Variants in SNX29 observed in about 807,000 individuals in gnomAD.
SNX29 encodes the protein sorting nexin 29, also known as sorting nexin-29.
In SNX29, 78 loss-of-function variants were observed where a neutral mutation model predicts 102.1. The ratio of observed to expected loss-of-function variants is 0.76; its 90% confidence interval spans 0.64 to 0.92. The LOEUF is 0.92. Ranked by LOEUF, SNX29 falls within the 40% of genes least tolerant of loss-of-function variation. The pLI is 0.00. For missense variants in SNX29, 1,280 were observed against 1,061.7 expected (o/e 1.21, Z -2.86); for synonymous variants, 580 against 414.5 (o/e 1.40, Z -4.85).
chr16:12,158,645 A>T (rs1163043453), intron 13 of SNX29, among the ~76,000 whole-genome samples: 1 of 152,246 alleles, frequency 6.6e-6, no homozygotes, highest in East Asian at 1.9e-4. Context: ...ATGATGCCTC[A>T]CCCAGGCTGT....
At chr16:12,536,626 A>G (rs950992806) in intron 20 of SNX29, among the ~76,000 whole-genome samples, 2 of 152,180 alleles carry the variant, frequency 1.3e-5, no homozygotes, top group African/African-American at 2.4e-5. Context: ...TGGCTGCAGC[A>G]GGGGTGTATA....
rs564905472 is a variant in SNX29 at position 11,994,696 on chromosome 16, T to G, written c.8-4601T>G. On this transcript the variant is annotated intron_variant, in intron 1 of 20. Transcript: ENST00000566228. ...GTTGGGATTCGGTAGGTGGGCACAT[T>G]GTTCCTACTTCTCTCTGAGTGGCGG... Among the ~76,000 whole-genome samples the G allele has an allele frequency of 7.9e-5, 12 of 152,300 alleles. 1 individual carries two copies. In the South Asian group the frequency reaches 2.5e-3, roughly 32 times the overall value.
At chr16:12,568,403 C>G (rs533188930) in intron 20 of SNX29, 103 bp from the exon 21 acceptor site, 5 of 1,478,674 alleles carry the variant, frequency 3.4e-6, no homozygotes, top group South Asian at 2.5e-5. Context: ...GTCACAGTTG[C>G]CAATCAGATC....
At chr16:12,008,680 C>A (rs184538729) in intron 3 of SNX29, among the ~76,000 whole-genome samples, 2 of 151,362 alleles carry the variant, frequency 1.3e-5, no homozygotes, top group African/African-American at 2.4e-5. Context: ...GGCTCAGAGC[C>A]GTCCTCTGGC....
intron 20 of SNX29, among the ~76,000 whole-genome samples, chr16:12,547,445 T>C (rs991717780): frequency 1.1e-4 from 16 of 152,076 alleles, no homozygotes; most frequent in Non-Finnish European, 1.6e-4. Flanking sequence ...GAGGGGATGG[T>C]GCCTCAGGCA....
At chr16:12,183,953 G>A (rs561015702) in intron 13 of SNX29, among the ~76,000 whole-genome samples, 1 of 152,190 alleles carries the variant, frequency 6.6e-6, no homozygotes, top group Non-Finnish European at 1.5e-5. Flanking sequence ...GGTCTAAAAG[G>A]GGGGTATGCA....
intron 16 of SNX29, among the ~76,000 whole-genome samples, chr16:12,377,866 C>G (rs1227798216): frequency 6.6e-6 from 1 of 152,126 alleles, no homozygotes; most frequent in Non-Finnish European, 1.5e-5. Context: ...TTAAATAGTC[C>G]ACAATCTCTC....
At chr16:12,530,302 A>G (rs2141169267) in intron 20 of SNX29, among the ~76,000 whole-genome samples, 1 of 152,306 alleles carries the variant, frequency 6.6e-6, no homozygotes, top group African/African-American at 2.4e-5. Flanking sequence ...CACTGTTTGT[A>G]CCAACAGACA....
intron 18 of SNX29, among the ~76,000 whole-genome samples, chr16:12,461,607 A>G (rs954207241): frequency 6.6e-6 from 1 of 152,090 alleles, no homozygotes; most frequent in African/African-American, 2.4e-5. Context: ...TTGGAAAACA[A>G]TTTGAAGCAT....
At chr16:11,977,086 A>T (rs140374469) in intron 1 of SNX29, 1 of 374,778 alleles carries the variant, frequency 2.7e-6, no homozygotes, top group Non-Finnish European at 4.7e-6. Context: ...CAGTTGTTCC[A>T]GTCCTGCGAT....
chr16:12,220,316 G>A (rs1434198482), intron 14 of SNX29, among the ~76,000 whole-genome samples: 1 of 144,544 alleles, frequency 6.9e-6, no homozygotes, highest in Non-Finnish European at 1.5e-5. Context: ...GGGAGGGAGG[G>A]AGGGAGGAAG....
chr16:12,344,693 A>G (rs1005976359), intron 15 of SNX29, among the ~76,000 whole-genome samples: 2 of 152,238 alleles, frequency 1.3e-5, no homozygotes, highest in Non-Finnish European at 1.5e-5. Flanking sequence ...TTTGCTCTTA[A>G]TGACAGTGGC....
intron 7 of SNX29, 117 bp downstream of exon 7, chr16:12,048,737 G>A (rs1417751951): frequency 3.9e-6 from 6 of 1,543,008 alleles, no homozygotes; most frequent in Middle Eastern, 1.9e-4. Context: ...GTGCACTTGC[G>A]TTTTCCATTT....
intron 19 of SNX29, among the ~76,000 whole-genome samples, chr16:12,517,202 A>G (rs989800540): frequency 6.6e-6 from 1 of 152,174 alleles, no homozygotes; most frequent in African/African-American, 2.4e-5. Flanking sequence ...CAGGTTCCAT[A>G]CGCTGGGTTT....
chr16:12,554,583 C>G (rs182863372), intron 20 of SNX29, among the ~76,000 whole-genome samples: 9 of 152,188 alleles, frequency 5.9e-5, no homozygotes, highest in Admixed American at 2.0e-4. Flanking sequence ...GACACCAAGA[C>G]TTGGAGCTCC....
chr16:12,167,653 C>G (rs1026268538), intron 13 of SNX29, among the ~76,000 whole-genome samples: 5 of 152,110 alleles, frequency 3.3e-5, no homozygotes, highest in African/African-American at 1.2e-4. Flanking sequence ...TCTTTTAATC[C>G]TCCCAATGAG....
rs1047857133 is a variant in SNX29 at position 12,557,028 on chromosome 16, C to A, written c.2319-11478C>A. Among the ~76,000 whole-genome samples, 21 of 124,030 alleles carry A rather than the reference C, an allele frequency of 1.7e-4. 1 individual carries two copies. The highest frequency in any genetic ancestry group is 2.9e-4 in the Non-Finnish European group (17 of 57,708). The allele number at this position is 124,030 out of a possible 152,430, so 81.4% of individuals were successfully genotyped here. A position where few individuals can be genotyped will look rare whatever the true frequency, so the allele number is the denominator to read the frequency against. ...TCTGGCTAATTTACCCCCCCCCCGCCCCAAGATGAGGTCTTGCTATGTGGC... is the reference window on the plus strand; with the variant it reads ...TCTGGCTAATTTACCCCCCCCCCGCACCAAGATGAGGTCTTGCTATGTGGC... On this transcript the variant is annotated intron_variant, in intron 20 of 20. Transcript: ENST00000566228.
At chr16:12,543,307 G>A (rs2077428130) in intron 20 of SNX29, among the ~76,000 whole-genome samples, 1 of 152,208 alleles carries the variant, frequency 6.6e-6, no homozygotes, top group Non-Finnish European at 1.5e-5. Context: ...CCCGGGGAAT[G>A]GAGCACCTTG....
chr16:12,160,050 C>G (rs940171826), intron 13 of SNX29, among the ~76,000 whole-genome samples: 3 of 152,214 alleles, frequency 2.0e-5, no homozygotes, highest in South Asian at 2.1e-4. Context: ...TCAGATGTCT[C>G]TAACAAATGG....
Sources: allele counts gnomAD v4.1 joint callset (sites outside exome capture counted in the v4.1 genomes callset), GRCh38; gene constraint gnomAD v4.1.1; transcripts MANE v1.5; gene names NCBI Gene and HGNC (gene_info 2026-07-23, HGNC 2026-07-21).